Variants in NFU1 observed in about 807,000 individuals in gnomAD.
NFU1 encodes the protein NFU1 iron-sulfur cluster scaffold homolog, mitochondrial.
In NFU1, 30 loss-of-function variants were observed where a neutral mutation model predicts 32.2. That is an observed-to-expected ratio of 0.93 (90% CI 0.70 to 1.26). The LOEUF is 1.26. Ranked by LOEUF, NFU1 falls within the 50% of genes most tolerant of loss-of-function variation. NFU1 has a pLI of 0.00. For synonymous variants in NFU1, 112 were observed against 104.6 expected (o/e 1.07, Z -0.43); for missense variants, 306 against 306.6 (o/e 1.00, Z 0.02).
At chr2:69,419,628 G>A (rs749252242) in intron 3 of NFU1, 24 bp from the exon 4 acceptor site, 6 of 1,376,874 alleles carry the variant, frequency 4.4e-6, no homozygotes, top group Non-Finnish European at 6.2e-6. Flanking sequence ...AAAAATAAGA[G>A]ATATTAAAAT....
chr2:69,424,432 G>A (rs1673387850), intron 2 of NFU1, among the ~76,000 whole-genome samples: 1 of 151,644 alleles, frequency 6.6e-6, no homozygotes, highest in Non-Finnish European at 1.5e-5. Context: ...GGGACTACAG[G>A]CGTGCACCAT....
chr2:69,429,531 G>C (rs1183457300), intron 2 of NFU1, among the ~76,000 whole-genome samples: 1 of 151,978 alleles, frequency 6.6e-6, no homozygotes, highest in African/African-American at 2.4e-5. Flanking sequence ...AAAAAATCTG[G>C]CTTTATTCTA....
At position 69,400,887 on chromosome 2, in the gene NFU1, C is replaced by T. The variant is rs572050604; in HGVS notation, c.546-349G>A. On this transcript the variant is annotated intron_variant, in intron 6 of 7. Transcript: ENST00000410022. ...ACTGCTTGAGCCCAGGAGTTGGAAG[C>T]TGCAGTGAGCTATTATCACACCAGT... 4.6e-5 allele frequency among the ~76,000 whole-genome samples: 7 copies of T among 152,262 alleles called. No individual in the cohort carries two copies. The South Asian group carries it at 1.4e-3, about 32-fold the overall frequency.
intron 4 of NFU1, among the ~76,000 whole-genome samples, chr2:69,416,772 C>T (rs1312395921): frequency 6.6e-6 from 1 of 152,100 alleles, no homozygotes; most frequent in Non-Finnish European, 1.5e-5. Flanking sequence ...GTTGCAGAGG[C>T]CTGTAATCCC....
chr2:69,413,669 G>C (rs1400665147), intron 5 of NFU1, among the ~76,000 whole-genome samples: 2 of 152,182 alleles, frequency 1.3e-5, no homozygotes, highest in African/African-American at 4.8e-5. Flanking sequence ...TGAGGTAGAA[G>C]GATCGCTTGA....
At chr2:69,408,734 TTA>T (rs70954344) in intron 5 of NFU1, among the ~76,000 whole-genome samples, 15,165 of 135,402 alleles carry the variant, frequency 0.11, 954 homozygotes, top group East Asian at 0.26. Context: ...ATATAAAATT[TTA>T]TATATATATA....
At chr2:69,435,473 A>G (rs919430436) in intron 1 of NFU1, among the ~76,000 whole-genome samples, 2 of 152,246 alleles carry the variant, frequency 1.3e-5, no homozygotes, top group Non-Finnish European at 2.9e-5. Flanking sequence ...TGGAAAAGAA[A>G]GAGTGGGCAC....
chr2:69,431,384 C>A (rs941844093), intron 2 of NFU1, among the ~76,000 whole-genome samples: 2 of 152,202 alleles, frequency 1.3e-5, no homozygotes, highest in Non-Finnish European at 2.9e-5. Flanking sequence ...CGGCTCACTG[C>A]AAGCTTGAAC....
intron 2 of NFU1, among the ~76,000 whole-genome samples, chr2:69,428,390 G>A (rs1409618060): frequency 3.3e-5 from 5 of 151,290 alleles, no homozygotes; most frequent in South Asian, 4.2e-4. Flanking sequence ...CAGCCACCAC[G>A]CACTCCAGCC....
intron 5 of NFU1, among the ~76,000 whole-genome samples, chr2:69,408,597 G>A (rs145854563): frequency 3.0e-3 from 450 of 151,890 alleles, no homozygotes; most frequent in Non-Finnish European, 5.5e-3. Context: ...GTGGGTGTCT[G>A]TAATCCCAGC....
intron 7 of NFU1, among the ~76,000 whole-genome samples, chr2:69,397,309 A>G (rs953869446): frequency 7.2e-5 from 11 of 152,196 alleles, no homozygotes; most frequent in Admixed American, 5.2e-4. Context: ...TACTGAGATA[A>G]AAGATCATTT....
chr2:69,400,789 TA>T (rs1001967391), intron 6 of NFU1, among the ~76,000 whole-genome samples: 5 of 152,098 alleles, frequency 3.3e-5, no homozygotes. Context: ...TCTTGCTTGC[TA>T]ATATCTTTTT....
chr2:69,431,448 C>T (rs756080348), intron 2 of NFU1, among the ~76,000 whole-genome samples: 3 of 151,004 alleles, frequency 2.0e-5, no homozygotes, highest in African/African-American at 7.4e-5. Context: ...TGGGACTACA[C>T]GTGTGCGCCA....
At chr2:69,398,597 T>A (rs1249734628) in intron 7 of NFU1, among the ~76,000 whole-genome samples, 2 of 152,238 alleles carry the variant, frequency 1.3e-5, no homozygotes, top group Non-Finnish European at 2.9e-5. Flanking sequence ...TCTTGCCTTT[T>A]CCAGAGGGGC....
chr2:69,426,218 C>T (rs919945557), intron 2 of NFU1, among the ~76,000 whole-genome samples: 9 of 151,242 alleles, frequency 6.0e-5, no homozygotes, highest in African/African-American at 1.9e-4. Context: ...GCGATCCATC[C>T]GCCTCGGCCT....
chr2:69,421,342 TAGCAA>T (rs1673233719), intron 3 of NFU1, among the ~76,000 whole-genome samples: 1 of 152,026 alleles, frequency 6.6e-6, no homozygotes. Context: ...TTCCAGAGCT[TAGCAA>T]ATCCCTAGGT....
chr2:69,411,519 A>C (rs1672876925), intron 5 of NFU1, among the ~76,000 whole-genome samples: 2 of 152,228 alleles, frequency 1.3e-5, no homozygotes, highest in Non-Finnish European at 2.9e-5. Flanking sequence ...AGTTAGGGAG[A>C]TATCATTTGC....
intron 4 of NFU1, among the ~76,000 whole-genome samples, chr2:69,415,755 G>A (rs182133998): frequency 6.6e-5 from 10 of 152,206 alleles, no homozygotes; most frequent in Admixed American, 1.3e-4. Flanking sequence ...GCCTGACCTC[G>A]TGATCCACCC....
intron 2 of NFU1, 120 bp from the exon 3 acceptor site, chr2:69,423,837 G>A (rs1673350400): frequency 2.7e-6 from 2 of 750,344 alleles, no homozygotes; most frequent in Non-Finnish European, 4.5e-6. Context: ...AAAACCCAAG[G>A]CTTTATTGCC....
Sources: allele counts gnomAD v4.1 joint callset (sites outside exome capture counted in the v4.1 genomes callset), GRCh38; gene constraint gnomAD v4.1.1; transcripts MANE v1.5; gene names NCBI Gene and HGNC (gene_info 2026-07-23, HGNC 2026-07-21).